Variants in ANO10 observed in about 807,000 individuals in gnomAD.
ANO10 encodes anoctamin 10.
ANO10 carries 77 observed loss-of-function variants against 74.7 expected under a neutral mutation model. That is an observed-to-expected ratio of 1.03 (90% CI 0.86 to 1.25). ANO10 has a LOEUF of 1.25. ANO10 is among the 50% of genes most tolerant of loss of function. The probability of loss-of-function intolerance (pLI) is 0.00; values close to 1 mark genes in which losing one functional copy is unlikely to be tolerated. For synonymous variants in ANO10, 279 were observed against 284.9 expected, an observed-to-expected ratio of 0.98 and a Z score of 0.21; for missense variants, 721 against 778.1, an observed-to-expected ratio of 0.93 and a Z score of 0.87.
chr3:43,574,289 G>A (rs1027900430), intron 7 of ANO10, among the ~76,000 whole-genome samples: 2 of 107,350 alleles, frequency 1.9e-5, no homozygotes, highest in African/African-American at 7.5e-5. Context: ...TTTTTTTTTT[G>A]AGACAGAGTC....
chr3:43,381,708 G>A (rs1310480108), intron 12 of ANO10, among the ~76,000 whole-genome samples: 14 of 152,108 alleles, frequency 9.2e-5, no homozygotes, highest in Non-Finnish European at 1.5e-5. Flanking sequence ...CTATACCCTA[G>A]AACAAATGGA....
intron 11 of ANO10, among the ~76,000 whole-genome samples, chr3:43,480,880 C>T (rs1474075567): frequency 1.3e-5 from 2 of 152,008 alleles, no homozygotes; most frequent in African/African-American, 4.8e-5. Context: ...CCGTTTTCAA[C>T]TCAATTATGC....
intron 2 of ANO10, among the ~76,000 whole-genome samples, chr3:43,605,337 A>T (rs2082511411): frequency 6.6e-6 from 1 of 152,154 alleles, no homozygotes; most frequent in African/African-American, 2.4e-5. Flanking sequence ...GACCATATTT[A>T]TCTCTCCCTT....
At chr3:43,674,188 G>A (rs2084093144) in intron 1 of ANO10, among the ~76,000 whole-genome samples, 2 of 152,184 alleles carry the variant, frequency 1.3e-5, no homozygotes, top group Admixed American at 1.3e-4. Context: ...CACCTAGGCT[G>A]GAGAGCAGTG....
intron 1 of ANO10, chr3:43,691,055 A>C (rs769401912): frequency 1.3e-6 from 2 of 1,544,612 alleles, no homozygotes; most frequent in South Asian, 2.4e-5. Flanking sequence ...CGCAGCCGGC[A>C]GGGGGCTTCG....
chr3:43,495,506 T>C (rs968651694), intron 11 of ANO10, among the ~76,000 whole-genome samples: 1 of 152,102 alleles, frequency 6.6e-6, no homozygotes, highest in Non-Finnish European at 1.5e-5. Context: ...AAATACAAAA[T>C]TCCTGCAAAT....
intron 2 of ANO10, 118 bp downstream of exon 2, chr3:43,605,596 A>G (rs2082522880): frequency 7.3e-7 from 1 of 1,366,708 alleles, no homozygotes; most frequent in South Asian, 1.3e-5. Context: ...AAATATATCA[A>G]CGAAAATTAT....
chr3:43,648,889 G>A (rs1282206387), intron 1 of ANO10, among the ~76,000 whole-genome samples: 1 of 152,114 alleles, frequency 6.6e-6, no homozygotes, highest in Admixed American at 6.5e-5. Context: ...GTGTTAGCCA[G>A]GATAGTCTCC....
chr3:43,394,740 G>C (rs1424778792), intron 12 of ANO10, among the ~76,000 whole-genome samples: 1 of 152,234 alleles, frequency 6.6e-6, no homozygotes, highest in South Asian at 2.1e-4. Flanking sequence ...CGGGTGGAGG[G>C]GTGGGGGTGC....
intron 12 of ANO10, among the ~76,000 whole-genome samples, chr3:43,381,035 T>C (rs1575610410): frequency 6.6e-6 from 1 of 151,900 alleles, no homozygotes; most frequent in Non-Finnish European, 1.5e-5. Context: ...AGCAAAGGGG[T>C]ACAAGCCCCT....
intron 12 of ANO10, among the ~76,000 whole-genome samples, chr3:43,401,411 G>C (rs974317071): frequency 6.6e-6 from 1 of 152,092 alleles, no homozygotes; most frequent in African/African-American, 2.4e-5. Flanking sequence ...AAAAGGCGGG[G>C]GGGAAACGCC....
intron 4 of ANO10, among the ~76,000 whole-genome samples, chr3:43,592,953 C>G (rs997791313): frequency 6.6e-6 from 1 of 152,166 alleles, no homozygotes; most frequent in Non-Finnish European, 1.5e-5. Context: ...ACAAGAATTA[C>G]GTGATGCATG....
chr3:43,533,628 CA>C (rs1158102008), intron 11 of ANO10, among the ~76,000 whole-genome samples: 2 of 152,160 alleles, frequency 1.3e-5, no homozygotes, highest in Admixed American at 6.5e-5. Flanking sequence ...AAAAGCAGGA[CA>C]AAAATATTTG....
chr3:43,497,774 T>C (rs535933284), intron 11 of ANO10, among the ~76,000 whole-genome samples: 2 of 152,330 alleles, frequency 1.3e-5, no homozygotes, highest in East Asian at 1.9e-4. Context: ...TTCTGTGATA[T>C]ATATTTACAT....
intron 1 of ANO10, among the ~76,000 whole-genome samples, chr3:43,664,541 T>C (rs2083965148): frequency 6.6e-6 from 1 of 152,098 alleles, no homozygotes; most frequent in African/African-American, 2.4e-5. Context: ...GGGATCTAAT[T>C]AAACTAAAGA....
chr3:43,565,474 G>A (rs1469212224), intron 8 of ANO10, among the ~76,000 whole-genome samples, 179 bp downstream of exon 8: 1 of 152,036 alleles, frequency 6.6e-6, no homozygotes, highest in Non-Finnish European at 1.5e-5. Context: ...ACTCATTTCA[G>A]TTGAGCATAA....
intron 11 of ANO10, among the ~76,000 whole-genome samples, chr3:43,529,954 G>A (rs1418986482): frequency 1.3e-5 from 2 of 152,050 alleles, no homozygotes; most frequent in African/African-American, 4.8e-5. Context: ...TAATGCAAAT[G>A]AGCTTAAGAC....
chr3:43,456,024 AC>A (rs1444974461), intron 11 of ANO10, among the ~76,000 whole-genome samples: 1 of 152,114 alleles, frequency 6.6e-6, no homozygotes, highest in East Asian at 1.9e-4. Flanking sequence ...ACATTTAAGC[AC>A]CTACTAGGTG....
chr3:43,679,252 C>T (rs561737948), intron 1 of ANO10, among the ~76,000 whole-genome samples: 11 of 152,332 alleles, frequency 7.2e-5, no homozygotes, highest in African/African-American at 2.6e-4. Flanking sequence ...TAATACTGCA[C>T]TTTTCCAATG....
Sources: allele counts gnomAD v4.1 joint callset (sites outside exome capture counted in the v4.1 genomes callset), GRCh38; gene constraint gnomAD v4.1.1; transcripts MANE v1.5; gene names NCBI Gene and HGNC (gene_info 2026-07-23, HGNC 2026-07-21).